APLP2: variants seen among roughly 807,000 people sequenced by gnomAD.
APLP2 encodes CDEI box-binding protein.
Under a neutral mutation model 89.9 loss-of-function variants are expected in APLP2, and 53 were observed. The observed-to-expected ratio is 0.59, with a 90% CI of 0.47 to 0.74. APLP2 has a LOEUF of 0.74. APLP2 is among the 30% of genes least tolerant of loss of function. The probability of loss-of-function intolerance (pLI) is 0.00; values close to 1 mark genes in which losing one functional copy is unlikely to be tolerated. For missense variants in APLP2, 973 were observed against 975.9 expected, an observed-to-expected ratio of 1.00 and a Z score of 0.04; for synonymous variants, 372 against 348.6, an observed-to-expected ratio of 1.07 and a Z score of -0.75.
At chr11:130,126,674 G>GAACT in intron 7 of APLP2, 26 bp from the exon 8 acceptor site, 1 of 1,612,314 alleles carries the variant, frequency 6.2e-7, no homozygotes, top group South Asian at 1.1e-5. Flanking sequence ...ATCCCAAAGA[G>GAACT]AACTCCCTCT....
intron 1 of APLP2, among the ~76,000 whole-genome samples, chr11:130,079,468 T>A (rs1942778511): frequency 6.6e-6 from 1 of 152,204 alleles, no homozygotes; most frequent in African/African-American, 2.4e-5. Context: ...TGCATAGAGA[T>A]CTTGTGTATC....
intron 3 of APLP2, among the ~76,000 whole-genome samples, chr11:130,118,316 T>C (rs1462303148): frequency 6.6e-6 from 1 of 152,220 alleles, no homozygotes; most frequent in Non-Finnish European, 1.5e-5. Flanking sequence ...CAGGTGTCAG[T>C]TTCTGTTTTT....
intron 1 of APLP2, among the ~76,000 whole-genome samples, chr11:130,087,786 T>G (rs2135485583): frequency 6.6e-6 from 1 of 152,246 alleles, no homozygotes; most frequent in Admixed American, 6.5e-5. Flanking sequence ...CACTTCCTAT[T>G]AGAAGAATGA....
chr11:130,102,422 G>A (rs977442772), intron 1 of APLP2, among the ~76,000 whole-genome samples: 1 of 152,160 alleles, frequency 6.6e-6, no homozygotes, highest in Non-Finnish European at 1.5e-5. Flanking sequence ...TTGAATACTC[G>A]TGTGTCTCAT....
At chr11:130,089,399 T>C (rs1944573071) in intron 1 of APLP2, among the ~76,000 whole-genome samples, 1 of 152,218 alleles carries the variant, frequency 6.6e-6, no homozygotes, top group Non-Finnish European at 1.5e-5. Context: ...TCATCCTCCG[T>C]AGCTGTCGCT....
intron 1 of APLP2, among the ~76,000 whole-genome samples, chr11:130,086,224 A>T (rs111297263): frequency 3.3e-5 from 5 of 152,354 alleles, no homozygotes; most frequent in African/African-American, 1.2e-4. Context: ...TTCAAATAAT[A>T]GCTATCCTAA....
chr11:130,078,850 AATT>A (rs1942613351), intron 1 of APLP2, among the ~76,000 whole-genome samples: 2 of 151,868 alleles, frequency 1.3e-5, no homozygotes, highest in African/African-American at 2.4e-5. Context: ...ACATTGTCTT[AATT>A]ATTATATAAT....
intron 1 of APLP2, among the ~76,000 whole-genome samples, chr11:130,077,529 G>A (rs1269992234): frequency 4.6e-5 from 7 of 151,326 alleles, no homozygotes; most frequent in African/African-American, 1.5e-4. Flanking sequence ...CCCCACATAG[G>A]ATAGTTAAAC....
chr11:130,088,279 A>T (rs1009048815), intron 1 of APLP2, among the ~76,000 whole-genome samples: 1 of 152,346 alleles, frequency 6.6e-6, no homozygotes, highest in Non-Finnish European at 1.5e-5. Flanking sequence ...AAAAAACCAT[A>T]AAATTTTAAG....
intron 3 of APLP2, among the ~76,000 whole-genome samples, chr11:130,114,794 G>A (rs932661150): frequency 6.6e-5 from 10 of 152,116 alleles, no homozygotes; most frequent in Admixed American, 2.0e-4. Flanking sequence ...GTGTTATTGC[G>A]ATATGAAAAC....
chr11:130,076,663 C>T (rs1405583202), intron 1 of APLP2, among the ~76,000 whole-genome samples: 5 of 152,208 alleles, frequency 3.3e-5, no homozygotes, highest in Admixed American at 6.5e-5. Flanking sequence ...CTGTCCCCAC[C>T]GCCTTCCTAC....
At chr11:130,099,684 C>T (rs1363204564) in intron 1 of APLP2, among the ~76,000 whole-genome samples, 1 of 152,218 alleles carries the variant, frequency 6.6e-6, no homozygotes, top group Non-Finnish European at 1.5e-5. Flanking sequence ...TTCCTCATGT[C>T]CATAGTTAAT....
rs116397734 is a variant in APLP2 at position 130,074,660 on chromosome 11, A to G, written c.105+4578A>G. ...GTACAGATAACCAATAAGAAGTGAAAAATGACCTAAAATCTTATTCCCCAG... is the reference window on the plus strand; with the variant it reads ...GTACAGATAACCAATAAGAAGTGAAGAATGACCTAAAATCTTATTCCCCAG... On this transcript the variant is annotated intron_variant, in intron 1 of 16. Transcript: ENST00000338167. Among the ~76,000 whole-genome samples the G allele has an allele frequency of 4.9e-3, 752 of 152,336 alleles. 4 individuals carry two copies. Among genetic ancestry groups the G allele is most frequent in the African/African-American group, 0.018 (732 of 41,570 alleles).
intron 1 of APLP2, among the ~76,000 whole-genome samples, chr11:130,072,041 A>G (rs1013763923): frequency 6.6e-6 from 1 of 152,230 alleles, no homozygotes; most frequent in African/African-American, 2.4e-5. Flanking sequence ...TCCCTGATCA[A>G]GTTGCTTGGC....
rs142512603 is a variant in APLP2, at chr11:130,110,583, C to T, written c.325C>T (p.Arg109Trp). The T allele has an allele frequency of 4.3e-6, 7 of 1,613,028 alleles. No homozygotes were observed. The highest frequency in any genetic ancestry group is 5.9e-6 in the Non-Finnish European group (7 of 1,179,838). ...CACAAATGTGATGGAGGCAAACCAG[C>T]GGGTTAGTATTGACAACTGGTGCCG... ...QITNVMEANQ[R>W]VSIDNWCRRD... The change falls in exon 3 of 17, where the codon CGG becomes TGG. Residue 109 changes from arginine to tryptophan, a missense_variant. Transcript: ENST00000338167.
Position 130,070,072 on chromosome 11 carries a change from G to C in APLP2, c.95G>C (p.Gly32Ala), listed in dbSNP as rs1207361280. 1 of 1,477,938 alleles carries C rather than the reference G, an allele frequency of 6.8e-7. No homozygotes were observed. The highest frequency in any genetic ancestry group is 2.3e-5 in the Admixed American group (1 of 43,044). The allele number at this position is 1,477,938 out of a possible 1,614,324, so 91.6% of individuals were successfully genotyped here. A position where few individuals can be genotyped will look rare whatever the true frequency, so the allele number is the denominator to read the frequency against. ...GLTAPALALA[G>A]YIEALAANAG... ...ACGGCGCCTGCCTTGGCGCTGGCCG[G>C]CTACATCGAGGTGGGGACCGGGCGA... Residue 32 changes from glycine to alanine, a missense_variant, in exon 1 of 17, where the codon GGC becomes GCC. Coordinates refer to ENST00000338167, the MANE Select transcript of APLP2 (RefSeq NM_001142276.2).
In APLP2 at chr11:130,133,799, A is replaced by G. The variant is rs78091647; in HGVS notation, c.1684+71A>G. The G allele has an allele frequency of 1.1e-3, 1,320 of 1,192,670 alleles. 11 individuals are homozygous for G. The African/African-American group carries it at 0.018, about 16-fold the overall frequency. 73.9% of individuals were successfully genotyped at this position (1,192,670 alleles called of 1,614,324 possible). The stretch of plus-strand genomic sequence containing the variant: ...GAGGCTCAGGAGTGAAAGCTGGGCA[A>G]GAGTAGAGAGAGATGAGCAAGCAAG... On this transcript the variant is annotated intron_variant, in intron 12 of 16. Coordinates refer to ENST00000338167, the MANE Select transcript of APLP2 (RefSeq NM_001142276.2).
intron 3 of APLP2, 82 bp downstream of exon 3, chr11:130,110,743 AT>A: frequency 6.9e-7 from 1 of 1,455,380 alleles, no homozygotes; most frequent in Non-Finnish European, 9.2e-7. Context: ...ACAGTGAAAT[AT>A]TTACACCTGT....
At chr11:130,080,653 T>C (rs1186621557) in intron 1 of APLP2, among the ~76,000 whole-genome samples, 1 of 151,888 alleles carries the variant, frequency 6.6e-6, no homozygotes, top group East Asian at 1.9e-4. Context: ...GTGATGACTG[T>C]AAGCTGAACT....
Sources: gnomAD v4.1 joint callset for allele counts (sites outside exome capture counted in the v4.1 genomes callset) on GRCh38, gnomAD v4.1.1 for gene constraint, MANE v1.5 for transcripts, NCBI Gene and HGNC (gene_info 2026-07-23, HGNC 2026-07-21) for gene names.